The following CCDC144A variants were observed in gnomAD, a reference collection of about 807,000 sequenced individuals.
CCDC144A encodes coiled-coil domain containing 144A.
A neutral mutation model predicts 143.8 loss-of-function variants in CCDC144A; 41 were observed. The ratio of observed to expected loss-of-function variants is 0.29; its 90% CI spans 0.22 to 0.37. The LOEUF is 0.37. CCDC144A is among the 10% of genes least tolerant of loss of function. CCDC144A has a pLI of 1.00. For synonymous variants in CCDC144A, 242 were observed against 517.9 expected, an observed-to-expected ratio of 0.47 and a Z score of 7.23; for missense variants, 637 against 1,488.8, an observed-to-expected ratio of 0.43 and a Z score of 9.41.
the CCDC144A span, chr17:16,684,234 G>A: frequency 1.1e-6 from 1 of 896,608 alleles, no homozygotes; most frequent in East Asian, 2.4e-5. Context: ...CAGTGGGCGA[G>A]TATCTTAAAT....
Position 16,729,963 on chromosome 17 carries a change from C to CATATAT in CCDC144A, c.2106-1813_2106-1808dup, listed in dbSNP as rs59756018. On this transcript the variant is annotated intron_variant, in intron 9 of 16. Coordinates refer to ENST00000399273, the MANE Select transcript of CCDC144A (RefSeq NM_001382000.1). Reference sequence around the variant, plus strand: ...CATATTGTACCTCAGTAGGTAGTTTCATATATATATATATATATATATATA... The same window carrying CATATAT: ...CATATTGTACCTCAGTAGGTAGTTTCATATATATATATATATATATATATATATATA... Among the ~76,000 whole-genome samples the CATATAT allele has an allele frequency of 7.4e-3, 694 of 94,026 alleles. 31 individuals carry two copies. The highest frequency in any genetic ancestry group is 0.016 in the Admixed American group (151 of 9,484). The allele number at this position is 94,026 out of a possible 152,430, so 61.7% of individuals were successfully genotyped here.
upstream of CCDC144A, among the ~76,000 whole-genome samples, chr17:16,685,629 T>G (rs1910751472): frequency 6.6e-6 from 1 of 152,158 alleles, no homozygotes; most frequent in Admixed American, 6.5e-5. Flanking sequence ...GTGATCCACC[T>G]GCCTCGGCCT....
the CCDC144A span, among the ~76,000 whole-genome samples, chr17:16,667,338 C>A: frequency 3.2e-4 from 39 of 121,892 alleles, no homozygotes; most frequent in East Asian, 6.3e-3. Context: ...GAGGCTGAGG[C>A]GGCTGAGGAG....
At chr17:16,726,395 AGAG>A (rs1913425788) in intron 8 of CCDC144A, among the ~76,000 whole-genome samples, 1 of 143,542 alleles carries the variant, frequency 7.0e-6, no homozygotes, top group Non-Finnish European at 1.5e-5. Context: ...AAAAAAAAAA[AGAG>A]AGATAAAAAA....
the CCDC144A span, among the ~76,000 whole-genome samples, chr17:16,684,528 G>A: frequency 6.6e-6 from 1 of 151,926 alleles, no homozygotes; most frequent in Non-Finnish European, 1.5e-5. Context: ...GGTGGTGTGC[G>A]CCTGTGGTCC....
chr17:16,708,841 G>A lies in CCDC144A; in HGVS notation c.784G>A (p.Asp262Asn), dbSNP rs1912206748. ...PEMAKDCDRE[D>N]IPIYPVLPHV... ...AATGGCTAAGGATTGCGATAGAGAG[G>A]ATATACCTATATATCCAGTACTTCC... Residue 262 changes from aspartate (D) to asparagine (N), a missense_variant, in exon 5 of 17, where the codon GAT becomes AAT. Physicochemically the swap from Asp to Asn is conservative, Grantham distance 23. Transcript: ENST00000399273. 8 of 1,611,688 alleles carry A rather than the reference G, an allele frequency of 5.0e-6. No homozygotes were observed. The highest frequency in any genetic ancestry group is 6.8e-6 in the Non-Finnish European group (8 of 1,179,778).
chr17:16,686,092 T>G (rs535229240), upstream of CCDC144A, among the ~76,000 whole-genome samples: 3,076 of 66,438 alleles, frequency 0.046, 96 homozygotes, highest in African/African-American at 0.13. Context: ...GTTTTTTTTG[T>G]TTTTTTTTTT....
Position 16,707,484 on chromosome 17 carries a change from A to G in CCDC144A, c.680A>G (p.Glu227Gly). 1 of 1,607,930 alleles carries G rather than the reference A, an allele frequency of 6.2e-7. No individual in the cohort carries two copies. Among genetic ancestry groups the G allele is most frequent in the Non-Finnish European group, 8.5e-7 (1 of 1,178,014 alleles). The part of the protein sequence containing the change: ...KESKEAEQDS[E>G]LTSEEEQERL... ...GATTTTGCAGCAGAACAAGACTCGG[A>G]GCTGACATCAGAGGAAGAGCAAGAA... The change falls in exon 4 of 17, where the codon GAG becomes GGG. Residue 227 changes from glutamate (E) to glycine (G), a missense_variant. Coordinates refer to ENST00000399273, the MANE Select transcript of CCDC144A (RefSeq NM_001382000.1).
At chr17:16,679,091 G>T in the CCDC144A span, among the ~76,000 whole-genome samples, 35 of 67,770 alleles carry the variant, frequency 5.2e-4, no homozygotes, top group African/African-American at 3.4e-3. Flanking sequence ...GAGATGGCGG[G>T]GGGGGGTCTC....
At chr17:16,701,813 G>A in intron 2 of CCDC144A, among the ~76,000 whole-genome samples, 1 of 150,820 alleles carries the variant, frequency 6.6e-6, no homozygotes, top group Non-Finnish European at 1.5e-5. Context: ...ATGGCATCAT[G>A]CAGTATTCCA....
chr17:16,728,304 CATT>C (rs1913532239), intron 9 of CCDC144A, among the ~76,000 whole-genome samples: 1 of 152,196 alleles, frequency 6.6e-6, no homozygotes, highest in East Asian at 1.9e-4. Flanking sequence ...CCTCCCAAAT[CATT>C]AGTATGACAG....
At chr17:16,717,410 G>C (rs1360194879) in intron 6 of CCDC144A, among the ~76,000 whole-genome samples, 1 of 152,092 alleles carries the variant, frequency 6.6e-6, no homozygotes, top group Non-Finnish European at 1.5e-5. Context: ...ACACCCAGCT[G>C]ACTCCAGCTT....
At chr17:16,682,476 T>C in the CCDC144A span, among the ~76,000 whole-genome samples, 1 of 151,918 alleles carries the variant, frequency 6.6e-6, no homozygotes, top group Non-Finnish European at 1.5e-5. Flanking sequence ...TGTTGAGGTA[T>C]AATATGAAAT....
chr17:16,685,935 C>CTT (rs1468899412), upstream of CCDC144A, among the ~76,000 whole-genome samples: 2 of 143,858 alleles, frequency 1.4e-5, no homozygotes, highest in African/African-American at 5.3e-5. Flanking sequence ...CCACATCTGG[C>CTT]TATTTTTTTT....
chr17:16,673,248 C>T, the CCDC144A span, among the ~76,000 whole-genome samples: 2 of 151,844 alleles, frequency 1.3e-5, no homozygotes, highest in Non-Finnish European at 2.9e-5. Flanking sequence ...GTTCTGCCCA[C>T]ACCAAGCCAG....
Position 16,690,311 on chromosome 17 carries a change from C to T in CCDC144A, c.-90C>T, listed in dbSNP as rs942281280. The T allele has an allele frequency of 6.8e-6, 7 of 1,032,012 alleles. No individual in the cohort carries two copies. The highest frequency in any genetic ancestry group is 3.2e-5 in the African/African-American group (2 of 61,764). The allele number at this position is 1,032,012 out of a possible 1,614,324, so 63.9% of individuals were successfully genotyped here. Reference sequence around the variant, plus strand: ...GCGTGGCAGTGATCGCTTGGCTTGGCATTTCTGGCTTGGCGGTCCTCCTTT... The same window carrying T: ...GCGTGGCAGTGATCGCTTGGCTTGGTATTTCTGGCTTGGCGGTCCTCCTTT... On this transcript the variant is annotated 5_prime_UTR_variant, in exon 1 of 17. Transcript: ENST00000399273.
At chr17:16,688,642 G>C (rs146244465), upstream of CCDC144A, among the ~76,000 whole-genome samples, 2,405 of 151,462 alleles carry the variant, frequency 0.016, 72 homozygotes, top group African/African-American at 0.056. Context: ...GCACGTGCCA[G>C]CACGCCCAAC....
rs1567605493 is a variant in CCDC144A, at chr17:16,750,870, A to G, written c.3373-10555A>G. 3.9e-5 allele frequency among the ~76,000 whole-genome samples: 6 copies of G among 152,272 alleles called. No homozygotes were observed. The South Asian group carries it at 1.2e-3, about 32-fold the overall frequency. On this transcript the variant is annotated intron_variant, in intron 12 of 16. Transcript: ENST00000399273. ...CTCCTGTGTTGAATTTTGCAGCTCC[A>G]GAAGTTCAGTTTGATTCTTTTTAAA...
chr17:16,687,052 A>G (rs1567578702), upstream of CCDC144A, among the ~76,000 whole-genome samples: 1 of 152,062 alleles, frequency 6.6e-6, no homozygotes, highest in Non-Finnish European at 1.5e-5. Flanking sequence ...AACTGGGAAA[A>G]CAAGGTCAGC....
Sources: allele counts gnomAD v4.1 joint callset (sites outside exome capture counted in the v4.1 genomes callset), GRCh38; gene constraint gnomAD v4.1.1; transcripts MANE v1.5; gene names NCBI Gene and HGNC (gene_info 2026-07-23, HGNC 2026-07-21).